The following ARID1A variants were observed in gnomAD, a reference collection of about 807,000 sequenced individuals.
ARID1A encodes AT-rich interaction domain 1A.
Under a neutral mutation model 212.6 loss-of-function variants are expected in ARID1A, and 20 were observed. That is an observed-to-expected ratio of 0.09 (90% CI 0.07 to 0.14). ARID1A has a LOEUF of 0.14. Among genes scored for constraint, ARID1A ranks in the 10% least tolerant of loss-of-function variants. The pLI is 1.00. For synonymous variants in ARID1A, 1,376 were observed against 1,222.1 expected (o/e 1.13, Z -2.63); for missense variants, 2,587 against 3,059.0 (o/e 0.85, Z 3.64).
At chr1:26,752,137 G>A (rs560481377) in intron 4 of ARID1A, among the ~76,000 whole-genome samples, 15 of 152,172 alleles carry the variant, frequency 9.9e-5, no homozygotes, top group Non-Finnish European at 2.2e-4. Context: ...AAAGGGTAGT[G>A]TCAACCTCTG....
At chr1:26,705,450 T>C (rs577014789) in intron 1 of ARID1A, among the ~76,000 whole-genome samples, 2,097 of 147,424 alleles carry the variant, frequency 0.014, 14 homozygotes, top group Middle Eastern at 0.042. Context: ...TTTTTTTTTT[T>C]TCCCCCCCCC....
chr1:26,731,385 G>T lies in ARID1A; in HGVS notation c.1584G>T (p.Gln528His). ...AGCAGCCATCCCAGCCTCCACATCA[G>T]CAGTCCCCGGCTCCATACCCCTCCC... ...YSQQPSQPPH[Q>H]QSPAPYPSQQ... Residue 528 changes from glutamine (Q) to histidine (H), a missense_variant, in exon 3 of 20, where the codon CAG becomes CAT. Gln to His is a conservative substitution (Grantham distance 24, BLOSUM62 0). Around this residue, in one of 11 missense-constraint regions of ARID1A, gnomAD observed 674 missense variants for 813.4 expected, o/e 0.83. Transcript: ENST00000324856. The T allele has an allele frequency of 6.2e-7, 1 of 1,613,704 alleles. No individual in the cohort carries two copies. The highest frequency in any genetic ancestry group is 8.5e-7 in the Non-Finnish European group (1 of 1,179,930).
intron 1 of ARID1A, among the ~76,000 whole-genome samples, chr1:26,718,141 A>AT (rs2080521245): frequency 2.0e-5 from 3 of 151,844 alleles, no homozygotes; most frequent in African/African-American, 7.3e-5. Context: ...CGCCCAGCTA[A>AT]TTTTTGTATT....
At chr1:26,719,183 A>T (rs1191853224) in intron 1 of ARID1A, among the ~76,000 whole-genome samples, 1 of 152,176 alleles carries the variant, frequency 6.6e-6, no homozygotes, top group South Asian at 2.1e-4. Flanking sequence ...TTGTATACAT[A>T]TCTCTTATCT....
chr1:26,698,160 A>G (rs1013272365), intron 1 of ARID1A, among the ~76,000 whole-genome samples: 2 of 152,214 alleles, frequency 1.3e-5, no homozygotes, highest in Admixed American at 6.5e-5. Flanking sequence ...GCTGGTAAAC[A>G]GCTGAGTGAT....
intron 4 of ARID1A, among the ~76,000 whole-genome samples, chr1:26,740,107 A>T (rs2080773975): frequency 6.6e-6 from 1 of 151,862 alleles, no homozygotes; most frequent in Non-Finnish European, 1.5e-5. Flanking sequence ...TTTTTTTGGG[A>T]TCTGGAGGAT....
intron 4 of ARID1A, among the ~76,000 whole-genome samples, chr1:26,735,993 A>T (rs951389296): frequency 1.3e-5 from 2 of 152,166 alleles, no homozygotes; most frequent in African/African-American, 2.4e-5. Flanking sequence ...AATAACTTCT[A>T]TGATGACTTC....
chr1:26,697,778 CT>C (rs1373875588), intron 1 of ARID1A, among the ~76,000 whole-genome samples: 1 of 145,812 alleles, frequency 6.9e-6, no homozygotes, highest in Non-Finnish European at 1.5e-5. Context: ...TTCCTCTCCC[CT>C]GGTCCCTTCG....
chr1:26,768,066 G>T, intron 11 of ARID1A, 67 bp downstream of exon 11: 1 of 1,496,322 alleles, frequency 6.7e-7, no homozygotes. Flanking sequence ...GTACTCACTG[G>T]CTTCATGTGG....
rs2081194167 is a variant in ARID1A at position 26,781,422 on chromosome 1, G to A, written c.*666G>A. 4.3e-6 allele frequency: 1 copy of A among 231,894 alleles called. No individual in the cohort carries two copies. The highest frequency in any genetic ancestry group is 1.8e-4 in the South Asian group (1 of 5,506). The allele number at this position is 231,894 out of a possible 1,614,324, so 14.4% of individuals were successfully genotyped here. A position where few individuals can be genotyped will look rare whatever the true frequency, so the allele number is the denominator to read the frequency against. ...GAAAACGCTGGGTCAGCAGCAAGCT[G>A]TAGTTTTTAAAAATGTTTTTAGTTA... On this transcript the variant is annotated 3_prime_UTR_variant, in exon 20 of 20. Coordinates refer to ENST00000324856, the MANE Select transcript of ARID1A (RefSeq NM_006015.6).
chr1:26,724,130 A>T (rs1182060063), intron 1 of ARID1A, among the ~76,000 whole-genome samples: 1 of 152,178 alleles, frequency 6.6e-6, no homozygotes, highest in Non-Finnish European at 1.5e-5. Flanking sequence ...AGCCAGGAAT[A>T]AATTGAAAGC....
chr1:26,730,735 G>A (rs1029710314), intron 2 of ARID1A, among the ~76,000 whole-genome samples: 1 of 152,170 alleles, frequency 6.6e-6, no homozygotes, highest in African/African-American at 2.4e-5. Flanking sequence ...TTTTCACACT[G>A]TCTGAATTAC....
In ARID1A at chr1:26,762,195, C is replaced by A. The variant is rs773634878; in HGVS notation, c.2295C>A (p.Pro765=). 2 of 1,614,160 alleles carry A rather than the reference C, an allele frequency of 1.2e-6. No homozygotes were observed. Among genetic ancestry groups the A allele is most frequent in the East Asian group, 2.2e-5 (1 of 44,888 alleles). The change falls in exon 7 of 20, where the codon CCC becomes CCA. Residue 765 remains proline (P), a synonymous_variant. Coordinates refer to ENST00000324856, the MANE Select transcript of ARID1A (RefSeq NM_006015.6). The stretch of plus-strand genomic sequence containing the variant: ...CCCAGATGCCCCAGTACAGTTCCCC[C>A]CAGCCCGGCTCAGCCTTATCTCCGC... ...RNPQMPQYSS[P]QPGSALSPRQ...
Position 26,763,244 on chromosome 1 carries a change from T to C in ARID1A, c.2691T>C (p.Thr897=), listed in dbSNP as rs751853245. The stretch of plus-strand genomic sequence containing the variant: ...GCATGAACCGGAAAACCCAAGAAAC[T>C]GCTGTCGCCATGCATGTTGCTGCCA... The part of the protein sequence containing the change: ...PGGMNRKTQE[T]AVAMHVAANS... The change falls in exon 8 of 20, where the codon ACT becomes ACC. Residue 897 remains threonine, a synonymous_variant. Coordinates refer to ENST00000324856, the MANE Select transcript of ARID1A (RefSeq NM_006015.6). The C allele has an allele frequency of 5.6e-6, 9 of 1,612,600 alleles. No individual in the cohort carries two copies. In the South Asian group the frequency reaches 7.7e-5, roughly 14 times the overall value.
At chr1:26,721,217 T>C (rs1210792974) in intron 1 of ARID1A, among the ~76,000 whole-genome samples, 3 of 152,176 alleles carry the variant, frequency 2.0e-5, no homozygotes, top group Non-Finnish European at 4.4e-5. Context: ...GTTTTTGTTT[T>C]TGTTTTTGTT....
chr1:26,744,213 A>T (rs2080815447), intron 4 of ARID1A, among the ~76,000 whole-genome samples: 1 of 152,026 alleles, frequency 6.6e-6, no homozygotes, highest in South Asian at 2.1e-4. Context: ...CACTGTTCCA[A>T]CCCTGATACT....
intron 1 of ARID1A, 133 bp downstream of exon 1, chr1:26,697,673 G>C (rs2080287284): frequency 1.3e-5 from 12 of 917,596 alleles, no homozygotes; most frequent in African/African-American, 1.7e-5. Flanking sequence ...CCATTGTCTG[G>C]CTCTTCTCTC....
Position 26,723,400 on chromosome 1 carries a change from C to T in ARID1A, c.1138-6251C>T, listed in dbSNP as rs2080583850. Reference sequence around the variant, plus strand: ...CGCCTGTCCCTGGAATCACAGGAAGCGGAGGACGGGGTGCCTTTGTATAGG... The same window carrying T: ...CGCCTGTCCCTGGAATCACAGGAAGTGGAGGACGGGGTGCCTTTGTATAGG... On this transcript the variant is annotated intron_variant, in intron 1 of 19. Coordinates refer to ENST00000324856, the MANE Select transcript of ARID1A (RefSeq NM_006015.6). Among the ~76,000 whole-genome samples the T allele has an allele frequency of 2.6e-5, 4 of 152,280 alleles. No individual in the cohort carries two copies. In the South Asian group the frequency reaches 8.3e-4, roughly 32 times the overall value.
chr1:26,766,578 T>C lies in ARID1A; in HGVS notation c.2988+12T>C. On this transcript the variant is annotated intron_variant, in intron 10 of 19. Transcript: ENST00000324856. Reference sequence around the variant, plus strand: ...AATCCAAATCCAAGGTAGTGATTTTTGTCTTGACTCCTTTCAACTTTGTGT... The same window carrying C: ...AATCCAAATCCAAGGTAGTGATTTTCGTCTTGACTCCTTTCAACTTTGTGT... 1 of 1,598,158 alleles carries C rather than the reference T, an allele frequency of 6.3e-7. No individual in the cohort carries two copies. The highest frequency in any genetic ancestry group is 8.5e-7 in the Non-Finnish European group (1 of 1,171,578).
Sources: allele counts gnomAD v4.1 joint callset (sites outside exome capture counted in the v4.1 genomes callset), GRCh38; gene constraint gnomAD v4.1.1; regional missense constraint gnomAD v4.1.1; transcripts MANE v1.5; gene names NCBI Gene and HGNC (gene_info 2026-07-23, HGNC 2026-07-21).